The following SGCE variants were observed in gnomAD, a reference collection of about 807,000 sequenced individuals.
SGCE encodes the protein epsilon-sarcoglycan.
Under a neutral mutation model 57.8 loss-of-function variants are expected in SGCE, and 26 were observed. The observed-to-expected ratio is 0.45, with a 90% CI of 0.33 to 0.62. The LOEUF is 0.62. SGCE is among the 20% of genes least tolerant of loss of function. The pLI, the probability that SGCE is intolerant of heterozygous loss-of-function variation, is 0.02. For missense variants in SGCE, 468 were observed against 548.6 expected, an observed-to-expected ratio of 0.85 and a Z score of 1.47; for synonymous variants, 183 against 189.5, an observed-to-expected ratio of 0.97 and a Z score of 0.28.
At chr7:94,608,114 C>G (rs1800439517) in intron 5 of SGCE, among the ~76,000 whole-genome samples, 1 of 152,160 alleles carries the variant, frequency 6.6e-6, no homozygotes, top group African/African-American at 2.4e-5. Flanking sequence ...CAGGCCGAGG[C>G]AGGTGGGTCA....
intron 1 of SGCE, among the ~76,000 whole-genome samples, chr7:94,637,239 C>A (rs1323249948): frequency 6.6e-6 from 1 of 152,066 alleles, no homozygotes; most frequent in East Asian, 1.9e-4. Flanking sequence ...CCTTGCCATA[C>A]AAGTTACTAG....
intron 3 of SGCE, 63 bp downstream of exon 3, chr7:94,628,139 C>CAT: frequency 1.5e-6 from 1 of 674,318 alleles, no homozygotes; most frequent in Non-Finnish European, 2.1e-6. Context: ...AATTACAATA[C>CAT]ACACACACAC....
At chr7:94,638,558 G>T (rs577901007) in intron 1 of SGCE, among the ~76,000 whole-genome samples, 2 of 151,496 alleles carry the variant, frequency 1.3e-5, no homozygotes, top group African/African-American at 4.8e-5. Context: ...CATTTTGGTT[G>T]CTCCGAAGTT....
intron 1 of SGCE, among the ~76,000 whole-genome samples, chr7:94,642,063 T>C (rs988319929): frequency 2.0e-5 from 3 of 152,176 alleles, no homozygotes; most frequent in African/African-American, 4.8e-5. Flanking sequence ...TTTAAAAAGT[T>C]GTTAAACCCA....
chr7:94,588,086 T>C (rs1797146878), intron 10 of SGCE: 1 of 1,237,334 alleles, frequency 8.1e-7, no homozygotes, highest in Non-Finnish European at 1.0e-6. Context: ...ATCTACTCAG[T>C]ATAGAGATGA....
chr7:94,654,789 A>C (rs886150616), intron 1 of SGCE, among the ~76,000 whole-genome samples: 1 of 152,238 alleles, frequency 6.6e-6, no homozygotes, highest in Non-Finnish European at 1.5e-5. Flanking sequence ...AATGTTACTA[A>C]AATGTGCTCA....
At chr7:94,607,310 A>G (rs1028756330) in intron 5 of SGCE, among the ~76,000 whole-genome samples, 1 of 152,176 alleles carries the variant, frequency 6.6e-6, no homozygotes, top group African/African-American at 2.4e-5. Context: ...TGAAACCCAA[A>G]TTACCTTAAT....
intron 1 of SGCE, among the ~76,000 whole-genome samples, chr7:94,653,566 A>G (rs1448805544): frequency 6.6e-6 from 1 of 152,066 alleles, no homozygotes; most frequent in African/African-American, 2.4e-5. Flanking sequence ...TGGTTTTGAA[A>G]ATGTTTGTTG....
chr7:94,607,040 C>A (rs992913713), intron 5 of SGCE, among the ~76,000 whole-genome samples: 1 of 151,566 alleles, frequency 6.6e-6, no homozygotes, highest in Admixed American at 6.6e-5. Context: ...TAATTGAAAC[C>A]TCCCCCTCAG....
intron 10 of SGCE, chr7:94,587,347 CAAAAT>C: frequency 2.0e-6 from 2 of 1,018,028 alleles, no homozygotes. Flanking sequence ...TTTAAATACT[CAAAAT>C]AAATATTTAC....
intron 5 of SGCE, among the ~76,000 whole-genome samples, chr7:94,609,639 A>G (rs897974915): frequency 6.6e-6 from 1 of 152,240 alleles, no homozygotes; most frequent in Non-Finnish European, 1.5e-5. Context: ...ACATATCATC[A>G]TGGAAAGACA....
chr7:94,603,183 A>T, intron 6 of SGCE, 107 bp downstream of exon 6: 2 of 848,212 alleles, frequency 2.4e-6, no homozygotes, highest in Non-Finnish European at 3.8e-6. Flanking sequence ...AACTGCAGTT[A>T]AAGTAAACCT....
intron 1 of SGCE, among the ~76,000 whole-genome samples, chr7:94,635,295 G>A (rs1805443685): frequency 6.6e-6 from 1 of 152,090 alleles, no homozygotes; most frequent in Non-Finnish European, 1.5e-5. Context: ...TTAACAGTAA[G>A]TATTATCTAA....
intron 2 of SGCE, chr7:94,628,670 T>C (rs111463084): frequency 1.5e-5 from 5 of 344,148 alleles, no homozygotes; most frequent in African/African-American, 4.2e-5. Flanking sequence ...TCAGGAGAAT[T>C]CCCTAATCAT....
At chr7:94,602,651 T>C (rs1799451798) in intron 6 of SGCE, among the ~76,000 whole-genome samples, 1 of 151,838 alleles carries the variant, frequency 6.6e-6, no homozygotes, top group Non-Finnish European at 1.5e-5. Flanking sequence ...AAATATTATA[T>C]ACAGACATAT....
intron 5 of SGCE, 32 bp downstream of exon 5, chr7:94,618,726 T>C: frequency 1.3e-6 from 2 of 1,560,548 alleles, no homozygotes; most frequent in Non-Finnish European, 8.8e-7. Flanking sequence ...TAAAAATCTA[T>C]ATTTAAGGCA....
In SGCE at chr7:94,587,570, C is replaced by G. The variant is rs984244798; in HGVS notation, c.1297+1119G>C. 3.8e-6 allele frequency: 5 copies of G among 1,325,100 alleles called. No individual in the cohort carries two copies. In the African/African-American group the frequency reaches 7.7e-5, roughly 20 times the overall value. 82.1% of individuals were successfully genotyped at this position (1,325,100 alleles called of 1,614,324 possible). A position where few individuals can be genotyped will look rare whatever the true frequency, so the allele number is the denominator to read the frequency against. On this transcript the variant is annotated intron_variant, in intron 10 of 10. Transcript: ENST00000648936. Reference sequence around the variant, plus strand: ...TAGTAGGGATTCATTTATCTTTTTTCTCTCTTTAGGTGACTCATTTTTATA... The same window carrying G: ...TAGTAGGGATTCATTTATCTTTTTTGTCTCTTTAGGTGACTCATTTTTATA...
At chr7:94,588,300 G>C in intron 10 of SGCE, 2 of 1,070,428 alleles carry the variant, frequency 1.9e-6, no homozygotes, top group Non-Finnish European at 2.3e-6. Flanking sequence ...TAGTCACAAT[G>C]GTTTCCTTTT....
chr7:94,619,073 T>C, intron 4 of SGCE, 117 bp from the exon 5 acceptor site: 2 of 750,194 alleles, frequency 2.7e-6, no homozygotes, highest in Non-Finnish European at 4.7e-6. Flanking sequence ...CAGGAAGCAA[T>C]ATTAATACTG....
Sources: allele counts gnomAD v4.1 joint callset (sites outside exome capture counted in the v4.1 genomes callset), GRCh38; gene constraint gnomAD v4.1.1; transcripts MANE v1.5; gene names NCBI Gene and HGNC (gene_info 2026-07-23, HGNC 2026-07-21).